The following RBFOX1 variants were observed in gnomAD, a reference collection of about 807,000 sequenced individuals.
The protein encoded by RBFOX1 is RNA binding fox-1 homolog 1, also known as RNA binding protein fox-1 homolog 1.
In RBFOX1, 8 loss-of-function variants were observed where a neutral mutation model predicts 57.7. That is an observed-to-expected ratio of 0.14 (90% confidence interval 0.08 to 0.25). The LOEUF is 0.25. RBFOX1 is among the 10% of genes least tolerant of loss of function. The pLI, the probability that RBFOX1 is intolerant of heterozygous loss-of-function variation, is 1.00. For missense variants in RBFOX1, 611 were observed against 548.5 expected (o/e 1.11, Z -1.14); for synonymous variants, 326 against 222.4 (o/e 1.47, Z -4.15).
chr16:7,683,953 G>T (rs1157616470), intron 14 of RBFOX1, among the ~76,000 whole-genome samples: 13 of 152,092 alleles, frequency 8.5e-5, no homozygotes, highest in Admixed American at 7.9e-4. Context: ...GCTCCACTTT[G>T]TTACGTTGTT....
intron 2 of RBFOX1, among the ~76,000 whole-genome samples, chr16:6,579,954 T>C (rs1304170750): frequency 6.6e-6 from 1 of 152,042 alleles, no homozygotes; most frequent in Non-Finnish European, 1.5e-5. Flanking sequence ...CTTTTTTTTG[T>C]TGTTTTTTCT....
chr16:6,359,598 G>A (rs1436118924), intron 2 of RBFOX1, among the ~76,000 whole-genome samples: 9 of 152,146 alleles, frequency 5.9e-5, no homozygotes, highest in African/African-American at 2.2e-4. Context: ...ATGGATACAG[G>A]AAAAAGCACT....
rs146191818 is a variant in RBFOX1 at position 6,877,106 on chromosome 16, T to A, written c.-15-174951T>A. Among the ~76,000 whole-genome samples the A allele has an allele frequency of 4.7e-3, 723 of 152,220 alleles. 6 individuals carry two copies. The highest frequency in any genetic ancestry group is 0.017 in the African/African-American group (693 of 41,528). ...ACTGGTGCTTAACAAGCATAGGCAG[T>A]CCCGCTGAAGAGAAATAACACCAAA... On this transcript the variant is annotated intron_variant, in intron 3 of 15. Coordinates refer to ENST00000550418, the MANE Select transcript of RBFOX1 (RefSeq NM_018723.4).
At chr16:6,093,689 G>A (rs889508443) in intron 1 of RBFOX1, among the ~76,000 whole-genome samples, 4 of 152,054 alleles carry the variant, frequency 2.6e-5, no homozygotes, top group African/African-American at 9.7e-5. Context: ...TGGCTCAAGT[G>A]TAGCTCCCTG....
intron 2 of RBFOX1, among the ~76,000 whole-genome samples, chr16:6,425,042 A>T (rs76407892): frequency 6.6e-6 from 1 of 152,198 alleles, no homozygotes; most frequent in Non-Finnish European, 1.5e-5. Context: ...TATTTTCACT[A>T]TGTGTTGTTT....
At chr16:6,908,276 G>A (rs989111922) in intron 3 of RBFOX1, among the ~76,000 whole-genome samples, 3 of 151,732 alleles carry the variant, frequency 2.0e-5, no homozygotes, top group Non-Finnish European at 3.0e-5. Context: ...CCTCTCCTGC[G>A]GCTCTGGGCA....
chr16:6,537,251 C>A (rs1010435493), intron 2 of RBFOX1, among the ~76,000 whole-genome samples: 9 of 152,072 alleles, frequency 5.9e-5, no homozygotes, highest in Admixed American at 5.9e-4. Flanking sequence ...GATGCCGGTT[C>A]GTGCACCAGA....
At chr16:7,195,034 T>A (rs2086347348) in intron 4 of RBFOX1, among the ~76,000 whole-genome samples, 1 of 141,822 alleles carries the variant, frequency 7.1e-6, no homozygotes, top group African/African-American at 2.6e-5. Flanking sequence ...TGTTTATTGT[T>A]CTTCTAATTC....
At chr16:7,130,028 G>A (rs1458695206) in intron 4 of RBFOX1, among the ~76,000 whole-genome samples, 1 of 147,986 alleles carries the variant, frequency 6.8e-6, no homozygotes, top group Non-Finnish European at 1.5e-5. Flanking sequence ...CTTCATTTTT[G>A]AAGATTTTTT....
intron 3 of RBFOX1, among the ~76,000 whole-genome samples, chr16:6,724,465 C>A (rs2066715249): frequency 6.6e-6 from 1 of 152,232 alleles, no homozygotes; most frequent in East Asian, 1.9e-4. Context: ...ACCTCGTCCT[C>A]CCAAAGTGCT....
At chr16:6,868,162 AT>A (rs936485161) in intron 3 of RBFOX1, among the ~76,000 whole-genome samples, 3 of 152,028 alleles carry the variant, frequency 2.0e-5, no homozygotes, top group Non-Finnish European at 4.4e-5. Flanking sequence ...TTATTCCTAT[AT>A]TTTTTTTCAT....
At chr16:6,449,617 G>A (rs1251279323) in intron 2 of RBFOX1, among the ~76,000 whole-genome samples, 1 of 152,146 alleles carries the variant, frequency 6.6e-6, no homozygotes, top group Non-Finnish European at 1.5e-5. Context: ...TGGAAGGAGT[G>A]GTATCAAAGG....
chr16:6,505,038 A>G (rs1184170014), intron 2 of RBFOX1, among the ~76,000 whole-genome samples: 2 of 152,116 alleles, frequency 1.3e-5, no homozygotes, highest in Admixed American at 6.6e-5. Flanking sequence ...GTGCTGCTCT[A>G]CTCCATCTTG....
chr16:5,676,878 C>A (rs1473586838), intron 3 of RBFOX1, among the ~76,000 whole-genome samples: 1 of 151,976 alleles, frequency 6.6e-6, no homozygotes. Flanking sequence ...AAAAAGTGCT[C>A]AGAACAGTGC....
intron 3 of RBFOX1, among the ~76,000 whole-genome samples, chr16:5,795,307 C>CTTT (rs1048193656): frequency 2.0e-5 from 3 of 147,038 alleles, no homozygotes; most frequent in Non-Finnish European, 3.0e-5. Context: ...CTTCCTTCTT[C>CTTT]TTTTTTTTTT....
intron 3 of RBFOX1, among the ~76,000 whole-genome samples, chr16:5,651,791 C>G (rs754000179): frequency 3.3e-5 from 5 of 152,070 alleles, no homozygotes; most frequent in Non-Finnish European, 7.4e-5. Context: ...TATTGTTGTC[C>G]AATCATAAGC....
rs1055990624 is a variant in RBFOX1 at position 7,130,889 on chromosome 16, C to A, written c.27+78791C>A. Among the ~76,000 whole-genome samples the A allele has an allele frequency of 2.6e-5, 4 of 152,152 alleles. No homozygotes were observed. The East Asian group carries it at 7.8e-4, about 30-fold the overall frequency. On this transcript the variant is annotated intron_variant, in intron 4 of 15. Coordinates refer to ENST00000550418, the MANE Select transcript of RBFOX1 (RefSeq NM_018723.4). ...GTGCCATCAAGAAGAGATGATGAGGCGACAGTGACACAGCAATGACTGCCT... is the reference window on the plus strand; with the variant it reads ...GTGCCATCAAGAAGAGATGATGAGGAGACAGTGACACAGCAATGACTGCCT...
intron 3 of RBFOX1, among the ~76,000 whole-genome samples, chr16:6,887,587 A>G (rs746621841): frequency 1.3e-5 from 2 of 151,802 alleles, no homozygotes; most frequent in South Asian, 2.1e-4. Context: ...GAATTCTGCC[A>G]TATCACCATA....
At chr16:5,506,216 A>G (rs1490876139) in intron 2 of RBFOX1, among the ~76,000 whole-genome samples, 2 of 148,676 alleles carry the variant, frequency 1.3e-5, no homozygotes, top group Non-Finnish European at 3.0e-5. Flanking sequence ...GTGTCCTCCC[A>G]CCTCTCCTAC....
Sources: gnomAD v4.1 joint callset for allele counts (sites outside exome capture counted in the v4.1 genomes callset) on GRCh38, gnomAD v4.1.1 for gene constraint, MANE v1.5 for transcripts, NCBI Gene and HGNC (gene_info 2026-07-23, HGNC 2026-07-21) for gene names.